The following SFXN5 variants were observed in gnomAD, a reference collection of about 807,000 sequenced individuals.
The protein encoded by SFXN5 is sideroflexin 5, also known as sideroflexin-5.
Under a neutral mutation model 50.2 loss-of-function variants are expected in SFXN5, and 43 were observed. The ratio of observed to expected loss-of-function variants is 0.86; its 90% CI spans 0.67 to 1.11. SFXN5 has a LOEUF of 1.11. SFXN5 is among the 50% of genes least tolerant of loss of function. The pLI, the probability that SFXN5 is intolerant of heterozygous loss-of-function variation, is 0.00. For synonymous variants in SFXN5, 203 were observed against 185.8 expected (o/e 1.09, Z -0.75); for missense variants, 463 against 454.1 (o/e 1.02, Z -0.18).
intron 9 of SFXN5, 163 bp downstream of exon 9, chr2:72,998,786 C>T (rs1425505133): frequency 2.9e-6 from 2 of 685,196 alleles, no homozygotes; most frequent in Non-Finnish European, 5.0e-6. Context: ...TCTACTGGAG[C>T]CTCTTCTCGG....
chr2:73,004,679 C>T (rs368772944), intron 6 of SFXN5, among the ~76,000 whole-genome samples: 19 of 151,868 alleles, frequency 1.3e-4, no homozygotes, highest in Admixed American at 1.2e-3. Context: ...ACAGGAACAC[C>T]GAGCTGCATC....
intron 12 of SFXN5, among the ~76,000 whole-genome samples, chr2:72,964,549 T>C (rs1014434789): frequency 4.6e-5 from 7 of 152,238 alleles, no homozygotes; most frequent in African/African-American, 9.6e-5. Context: ...AGCAGGAACC[T>C]AGATTTTGTT....
intron 11 of SFXN5, among the ~76,000 whole-genome samples, chr2:72,968,950 G>A (rs552351570): frequency 9.9e-5 from 15 of 151,954 alleles, no homozygotes; most frequent in Middle Eastern, 3.4e-3. Flanking sequence ...TTACAGGTGC[G>A]CACCACCATA....
intron 2 of SFXN5, among the ~76,000 whole-genome samples, chr2:73,054,232 T>C (rs570027219): frequency 5.6e-4 from 86 of 152,226 alleles, no homozygotes; most frequent in African/African-American, 1.9e-3. Context: ...GGAGGAGAAG[T>C]GCAGATCTTT....
At position 72,960,917 on chromosome 2, in the gene SFXN5, C is replaced by T. The variant is rs374888380; in HGVS notation, c.945+214G>A. Among the ~76,000 whole-genome samples the T allele has an allele frequency of 9.3e-4, 141 of 152,334 alleles. 1 individual carries two copies. Among genetic ancestry groups the T allele is most frequent in the African/African-American group, 3.2e-3 (135 of 41,574 alleles). ...CCCAGTGGAGCTTCTCCCACCCTAA[C>T]GCTCCTGGCTCCTCATCTGCTGGCC... On this transcript the variant is annotated intron_variant, in intron 13 of 13. Coordinates refer to ENST00000272433, the MANE Select transcript of SFXN5 (RefSeq NM_144579.3). The surrounding 1 kb of genome is among the most constrained non-coding windows in gnomAD (Gnocchi z 6.1).
intron 2 of SFXN5, among the ~76,000 whole-genome samples, chr2:73,056,459 G>T (rs1682139453): frequency 6.6e-6 from 1 of 152,038 alleles, no homozygotes; most frequent in Admixed American, 6.6e-5. Context: ...GCTGAGGTGG[G>T]TGGATCACCT....
Position 72,945,242 on chromosome 2 carries a change from C to G in SFXN5, c.946-143G>C. On this transcript the variant is annotated intron_variant, in intron 13 of 13. Coordinates refer to ENST00000272433, the MANE Select transcript of SFXN5 (RefSeq NM_144579.3). This position sits in a 1 kb window ranked among gnomAD's most constrained non-coding sequence, Gnocchi z 5.8. ...CCACCCCAGCCAGGGCTCACATGCC[C>G]TACCTAGTGACACATCTTCCTTCTC... The G allele has an allele frequency of 2.8e-6, 2 of 720,676 alleles. No individual in the cohort carries two copies. Among genetic ancestry groups the G allele is most frequent in the Non-Finnish European group, 4.8e-6 (2 of 414,902 alleles). 44.6% of individuals were successfully genotyped at this position (720,676 alleles called of 1,614,324 possible).
chr2:73,044,117 G>A (rs1679996599), intron 2 of SFXN5, among the ~76,000 whole-genome samples: 1 of 152,172 alleles, frequency 6.6e-6, no homozygotes, highest in South Asian at 2.1e-4. Flanking sequence ...TCCCACTCCA[G>A]GGATTCTCCT....
rs142025614 is a variant in SFXN5 at position 73,016,592 on chromosome 2, C to A, written c.357+3647G>T. Among the ~76,000 whole-genome samples the A allele has an allele frequency of 1.2e-3, 190 of 152,298 alleles. 1 individual carries two copies. The highest frequency in any genetic ancestry group is 4.2e-3 in the African/African-American group (175 of 41,554). ...TGGAGGTGCATGCCTGTAATCCCAGCTATTCAGAAGGCTGAGGCAGGAGAA... is the reference window on the plus strand; with the variant it reads ...TGGAGGTGCATGCCTGTAATCCCAGATATTCAGAAGGCTGAGGCAGGAGAA... On this transcript the variant is annotated intron_variant, in intron 6 of 13. Transcript: ENST00000272433.
chr2:73,021,418 A>T (rs1676874769), intron 5 of SFXN5, among the ~76,000 whole-genome samples: 1 of 152,202 alleles, frequency 6.6e-6, no homozygotes, highest in Non-Finnish European at 1.5e-5. Flanking sequence ...TGGGAGGTGG[A>T]GGTTGCAATG....
At chr2:73,032,909 T>A (rs150094146) in intron 3 of SFXN5, among the ~76,000 whole-genome samples, 1 of 152,362 alleles carries the variant, frequency 6.6e-6, no homozygotes, top group African/African-American at 2.4e-5. Context: ...CCAGGTAATA[T>A]GTACCTATTG....
At position 72,953,161 on chromosome 2, in the gene SFXN5, G is replaced by A. The variant is rs1160769983; in HGVS notation, c.945+7970C>T. On this transcript the variant is annotated intron_variant, in intron 13 of 13. Transcript: ENST00000272433. This position sits in a 1 kb window ranked among gnomAD's most constrained non-coding sequence, Gnocchi z 4.1. ...GTGGGGAACAGGCAAAATGACAGGT[G>A]GCGTTGGCGTTCCTGGGCTCTGAGC... is the stretch of plus-strand genomic sequence containing the variant. Among the ~76,000 whole-genome samples, 2 of 152,148 alleles carry A rather than the reference G, an allele frequency of 1.3e-5. No homozygotes were observed. Among genetic ancestry groups the A allele is most frequent in the Non-Finnish European group, 2.9e-5 (2 of 68,050 alleles).
intron 3 of SFXN5, among the ~76,000 whole-genome samples, chr2:73,027,818 C>T (rs1015251718): frequency 6.6e-6 from 1 of 152,096 alleles, no homozygotes. Context: ...TGCCACCACA[C>T]TTGGCTAACT....
intron 12 of SFXN5, among the ~76,000 whole-genome samples, chr2:72,963,137 G>T (rs1673944200): frequency 6.6e-6 from 1 of 152,198 alleles, no homozygotes; most frequent in Non-Finnish European, 1.5e-5. Flanking sequence ...CTTGGAGGAG[G>T]CTGTGGAAGG....
intron 2 of SFXN5, among the ~76,000 whole-genome samples, chr2:73,054,841 A>G (rs1284933356): frequency 6.6e-6 from 1 of 152,254 alleles, no homozygotes; most frequent in Non-Finnish European, 1.5e-5. Context: ...GGTGGGCTAG[A>G]TAAGTAGTTT....
chr2:72,944,988 GCA>G lies in SFXN5; in HGVS notation c.*32_*33del. On this transcript the variant is annotated 3_prime_UTR_variant, in exon 14 of 14. Transcript: ENST00000272433. ...GGCCCTGCCCCTCAGCTCCCCGGCTGCACAGTGCTCCGTCCCCAGGCCGCTGA... is the reference window on the plus strand; with the variant it reads ...GGCCCTGCCCCTCAGCTCCCCGGCTGCAGTGCTCCGTCCCCAGGCCGCTGA... 1.2e-6 allele frequency: 2 copies of G among 1,601,948 alleles called. No individual in the cohort carries two copies. The highest frequency in any genetic ancestry group is 1.7e-6 in the Non-Finnish European group (2 of 1,171,198).
chr2:73,052,260 G>C (rs1192488426), intron 2 of SFXN5, among the ~76,000 whole-genome samples: 2 of 151,998 alleles, frequency 1.3e-5, no homozygotes, highest in African/African-American at 4.8e-5. Flanking sequence ...TGCTACATGT[G>C]TTCATAGTTA....
intron 6 of SFXN5, among the ~76,000 whole-genome samples, chr2:73,005,085 G>A (rs903589407): frequency 3.0e-4 from 45 of 152,292 alleles, no homozygotes; most frequent in African/African-American, 9.9e-4. Context: ...TTCAGGCGTG[G>A]CCACGCAGAC....
chr2:73,046,843 A>G (rs548157377), intron 2 of SFXN5, among the ~76,000 whole-genome samples: 1 of 152,230 alleles, frequency 6.6e-6, no homozygotes, highest in East Asian at 1.9e-4. Context: ...TGTCTAAAAT[A>G]CATTTTTTTC....
Sources: gnomAD v4.1 joint callset for allele counts (sites outside exome capture counted in the v4.1 genomes callset) on GRCh38, gnomAD v4.1.1 for gene constraint, Gnocchi (gnomAD v3.1) non-coding constraint, MANE v1.5 for transcripts, NCBI Gene and HGNC (gene_info 2026-07-23, HGNC 2026-07-21) for gene names.